The following LRRC17 variants were observed in gnomAD, a reference collection of about 807,000 sequenced individuals.
LRRC17 encodes leucine rich repeat containing 17.
A neutral mutation model predicts 41.5 loss-of-function variants in LRRC17; 33 were observed. The observed-to-expected ratio is 0.80, with a 90% confidence interval of 0.60 to 1.06. The LOEUF is 1.06. LRRC17 is among the 50% of genes least tolerant of loss of function. The pLI is 0.00. For missense variants in LRRC17, 491 were observed against 519.3 expected (o/e 0.95, Z 0.53); for synonymous variants, 192 against 197.0 (o/e 0.97, Z 0.21).
At position 102,934,404 on chromosome 7, in the gene LRRC17, C is replaced by G; in HGVS notation, c.491C>G (p.Pro164Arg). The G allele has an allele frequency of 6.2e-7, 1 of 1,614,132 alleles. No individual in the cohort carries two copies. Among genetic ancestry groups the G allele is most frequent in the Non-Finnish European group, 8.5e-7 (1 of 1,180,022 alleles). ...LLSYLRLYDN[P>R]WHCTCEIETL... ...AGCTACCTGCGTCTTTATGACAACC[C>G]CTGGCACTGTACTTGTGAGATAGAA... Residue 164 changes from proline (P) to arginine (R), a missense_variant, in exon 2 of 4, where the codon CCC becomes CGC. Physicochemically the swap from Pro to Arg is moderately radical, Grantham distance 103. Transcript: ENST00000339431.
Position 102,933,834 on chromosome 7 carries a change from T to C in LRRC17, c.-80T>C, listed in dbSNP as rs934462865. 3.5e-6 allele frequency: 5 copies of C among 1,422,690 alleles called. No individual in the cohort carries two copies. In the African/African-American group the frequency reaches 7.2e-5, roughly 20 times the overall value. 88.1% of individuals were successfully genotyped at this position (1,422,690 alleles called of 1,614,324 possible). A position where few individuals can be genotyped will look rare whatever the true frequency, so the allele number is the denominator to read the frequency against. On this transcript the variant is annotated 5_prime_UTR_variant, in exon 2 of 4. Coordinates refer to ENST00000339431, the MANE Select transcript of LRRC17 (RefSeq NM_001031692.3). ...GTTCCAGAACTGCATTAGTTAAGATTACCCAGACTTGGATTTCAAAGGAAT... is the reference window on the plus strand; with the variant it reads ...GTTCCAGAACTGCATTAGTTAAGATCACCCAGACTTGGATTTCAAAGGAAT...
intron 1 of LRRC17, chr7:102,932,958 A>G (rs1167925713): frequency 1.3e-5 from 2 of 152,268 alleles, no homozygotes; most frequent in Non-Finnish European, 2.9e-5. Flanking sequence ...TATAGCAGTT[A>G]ACGAAATAGA....
intron 1 of LRRC17, among the ~76,000 whole-genome samples, chr7:102,922,318 C>T (rs1817214020): frequency 6.6e-6 from 1 of 151,836 alleles, no homozygotes; most frequent in Non-Finnish European, 1.5e-5. Context: ...TTCCCAAATT[C>T]TTATTTAGAA....
At chr7:102,939,669 C>A in intron 3 of LRRC17, 84 bp downstream of exon 3, 1 of 1,227,786 alleles carries the variant, frequency 8.1e-7, no homozygotes, top group South Asian at 1.8e-5. Flanking sequence ...ACAGTAAATT[C>A]AGTTTAAAAG....
intron 1 of LRRC17, among the ~76,000 whole-genome samples, chr7:102,924,888 C>T (rs887319639): frequency 1.3e-5 from 2 of 152,032 alleles, no homozygotes; most frequent in African/African-American, 2.4e-5. Context: ...CCCGGCCTCC[C>T]AAAGTGCTGG....
chr7:102,916,648 C>T (rs1244559326), intron 1 of LRRC17, among the ~76,000 whole-genome samples: 1 of 152,144 alleles, frequency 6.6e-6, no homozygotes, highest in Non-Finnish European at 1.5e-5. Flanking sequence ...TGAATTTTGG[C>T]AAAGACGCGT....
rs1294310389 is a variant in LRRC17 at position 102,934,450 on chromosome 7, G to C, written c.537G>C (p.Gln179His). 1.2e-6 allele frequency: 2 copies of C among 1,614,214 alleles called. No homozygotes were observed. The highest frequency in any genetic ancestry group is 1.7e-6 in the Non-Finnish European group (2 of 1,180,036). ...CEIETLISML[Q>H]IPRNRNLGNY... ...TAGAAACGCTTATTTCAATGTTGCA[G>C]ATTCCCAGGAACCGGAATTTGGGGA... Residue 179 changes from glutamine to histidine, a missense_variant, in exon 2 of 4, where the codon CAG becomes CAC. Coordinates refer to ENST00000339431, the MANE Select transcript of LRRC17 (RefSeq NM_001031692.3).
chr7:102,929,400 G>A (rs560774566), intron 1 of LRRC17, among the ~76,000 whole-genome samples: 11 of 152,212 alleles, frequency 7.2e-5, no homozygotes, highest in Admixed American at 3.3e-4. Flanking sequence ...GGTGTCTCAC[G>A]CCTGTAATCC....
At chr7:102,929,100 ACT>A (rs1442385896) in intron 1 of LRRC17, among the ~76,000 whole-genome samples, 1 of 151,956 alleles carries the variant, frequency 6.6e-6, no homozygotes, top group African/African-American at 2.4e-5. Flanking sequence ...TTAAATGCTG[ACT>A]CTGTGTGTTG....
At chr7:102,936,525 G>T (rs1563118480) in intron 2 of LRRC17, among the ~76,000 whole-genome samples, 1 of 152,160 alleles carries the variant, frequency 6.6e-6, no homozygotes, top group Non-Finnish European at 1.5e-5. Flanking sequence ...CCCGGATATT[G>T]TTATGGTGAG....
At chr7:102,923,141 A>G (rs1006934939) in intron 1 of LRRC17, among the ~76,000 whole-genome samples, 1 of 152,160 alleles carries the variant, frequency 6.6e-6, no homozygotes, top group Non-Finnish European at 1.5e-5. Context: ...TTCTTTCCTA[A>G]ATCAAAGAAT....
chr7:102,940,886 T>A (rs1361916529), intron 3 of LRRC17, among the ~76,000 whole-genome samples: 2 of 152,254 alleles, frequency 1.3e-5, no homozygotes. Flanking sequence ...TGAAAATGAT[T>A]ATTAAAATTA....
intron 1 of LRRC17, among the ~76,000 whole-genome samples, chr7:102,922,128 T>C (rs1817163335): frequency 6.6e-6 from 1 of 151,568 alleles, no homozygotes; most frequent in Non-Finnish European, 1.5e-5. Context: ...AGGCGGAGGT[T>C]GCAGTGAGCT....
intron 3 of LRRC17, among the ~76,000 whole-genome samples, chr7:102,939,844 T>A: frequency 6.6e-6 from 1 of 152,206 alleles, no homozygotes; most frequent in Non-Finnish European, 1.5e-5. Context: ...GTGTTATAGA[T>A]TTTTAAAGTA....
At chr7:102,932,994 T>G (rs1326248239) in intron 1 of LRRC17, 1 of 152,250 alleles carries the variant, frequency 6.6e-6, no homozygotes, top group Admixed American at 6.5e-5. Context: ...TTAAGGAGTT[T>G]ACTTTCTAGC....
At chr7:102,920,949 C>T (rs923708647) in intron 1 of LRRC17, among the ~76,000 whole-genome samples, 76 of 151,312 alleles carry the variant, frequency 5.0e-4, no homozygotes, top group Non-Finnish European at 8.4e-4. Context: ...GTCAGGAGTT[C>T]GAGACCGGCC....
intron 1 of LRRC17, chr7:102,926,371 C>T (rs751509189): frequency 1.2e-6 from 2 of 1,612,320 alleles, no homozygotes; most frequent in Admixed American, 3.3e-5. Flanking sequence ...CTCATTGATT[C>T]ATCCTGCATG....
At chr7:102,919,405 A>G (rs1472966145) in intron 1 of LRRC17, among the ~76,000 whole-genome samples, 4 of 152,236 alleles carry the variant, frequency 2.6e-5, no homozygotes, top group African/African-American at 9.6e-5. Flanking sequence ...GATAAACTCT[A>G]AACAAATGCA....
Position 102,934,632 on chromosome 7 carries a change from C to A in LRRC17, c.719C>A (p.Thr240Asn). Residue 240 changes from threonine (T) to asparagine (N), a missense_variant, in exon 2 of 4, where the codon ACT becomes AAT. Coordinates refer to ENST00000339431, the MANE Select transcript of LRRC17 (RefSeq NM_001031692.3). Reference protein sequence around the residue: ...PPVIKPEVDSTFCHNYVFPIQ... With the variant: ...PPVIKPEVDSNFCHNYVFPIQ... ...GTCATCAAGCCTGAGGTGGACTCAA[C>A]TTTTTGCCACAATTATGTGTTTCCC... 1 of 1,608,220 alleles carries A rather than the reference C, an allele frequency of 6.2e-7. No homozygotes were observed. The highest frequency in any genetic ancestry group is 8.5e-7 in the Non-Finnish European group (1 of 1,178,530).
Sources: gnomAD v4.1 joint callset for allele counts (sites outside exome capture counted in the v4.1 genomes callset) on GRCh38, gnomAD v4.1.1 for gene constraint, MANE v1.5 for transcripts, NCBI Gene and HGNC (gene_info 2026-07-23, HGNC 2026-07-21) for gene names.